Variants in GXYLT2 observed in about 807,000 individuals in gnomAD.
The protein encoded by GXYLT2 is glycosyltransferase 8 domain containing 4.
GXYLT2 carries 53 observed loss-of-function variants against 45.8 expected under a neutral mutation model. The ratio of observed to expected loss-of-function variants is 1.16; its 90% confidence interval spans 0.93 to 1.46. The LOEUF is 1.46. Ranked by LOEUF, GXYLT2 falls within the 40% of genes most tolerant of loss-of-function variation. The pLI, the probability that GXYLT2 is intolerant of heterozygous loss-of-function variation, is 0.00. For synonymous variants in GXYLT2, 219 were observed against 214.2 expected (o/e 1.02, Z -0.19); for missense variants, 551 against 544.4 (o/e 1.01, Z -0.12).
chr3:72,935,984 T>C (rs998103662), intron 3 of GXYLT2, among the ~76,000 whole-genome samples: 1 of 152,194 alleles, frequency 6.6e-6, no homozygotes, highest in Non-Finnish European at 1.5e-5. Context: ...CTGCACAGCA[T>C]CCTGGTTGGA....
intron 2 of GXYLT2, among the ~76,000 whole-genome samples, chr3:72,912,398 C>A (rs58471076): frequency 6.6e-6 from 1 of 152,106 alleles, no homozygotes; most frequent in Admixed American, 6.6e-5. Context: ...ATTCTCCTGC[C>A]TTGGCCTCCC....
At chr3:72,943,792 T>C (rs561686171) in intron 3 of GXYLT2, among the ~76,000 whole-genome samples, 1 of 152,272 alleles carries the variant, frequency 6.6e-6, no homozygotes, top group East Asian at 1.9e-4. Context: ...TGCTAAAATG[T>C]TTGCATCTTC....
At chr3:72,970,824 T>C (rs1398625465) in intron 6 of GXYLT2, among the ~76,000 whole-genome samples, 2 of 152,176 alleles carry the variant, frequency 1.3e-5, no homozygotes, top group African/African-American at 4.8e-5. Context: ...ATCATGCCAT[T>C]GCACTCCAGC....
At chr3:72,946,249 C>T (rs1241574764) in intron 3 of GXYLT2, among the ~76,000 whole-genome samples, 2 of 136,632 alleles carry the variant, frequency 1.5e-5, no homozygotes, top group African/African-American at 2.8e-5. Context: ...TGCACTCCAG[C>T]CTGGGTGACA....
chr3:72,903,527 G>A (rs73838411), intron 1 of GXYLT2, among the ~76,000 whole-genome samples: 13,664 of 152,148 alleles, frequency 0.09, 1,362 homozygotes, highest in African/African-American at 0.25. Flanking sequence ...GTGTTAATAT[G>A]CAGACTCCAG....
chr3:72,916,830 GT>G (rs1317976746), intron 2 of GXYLT2, among the ~76,000 whole-genome samples: 1 of 151,732 alleles, frequency 6.6e-6, no homozygotes, highest in Non-Finnish European at 1.5e-5. Context: ...CCGCAGTTGA[GT>G]TTTAACAGCT....
chr3:72,975,114 T>G lies in GXYLT2; in HGVS notation c.1287T>G (p.Tyr429Ter). 1 of 1,613,862 alleles carries G rather than the reference T, an allele frequency of 6.2e-7. No homozygotes were observed. ...KQIEKTMKRA[Y>*]EKHVIIHVGP... The stretch of plus-strand genomic sequence containing the variant: ...TTGAGAAAACAATGAAAAGGGCTTA[T>G]GAGAAACACGTCATCATCCATGTTG... The change falls in exon 7 of 7, where the codon TAT (tyrosine) becomes TAG (stop). Residue 429 changes from tyrosine (Y) to a stop codon, truncating the protein, a stop_gained. Coordinates refer to ENST00000389617, the MANE Select transcript of GXYLT2 (RefSeq NM_001080393.2). LOFTEE classifies it high-confidence loss of function.
chr3:72,924,630 G>C (rs2134426), intron 3 of GXYLT2, among the ~76,000 whole-genome samples: 131,332 of 152,156 alleles, frequency 0.86, 57,064 homozygotes, highest in African/African-American at 0.96. Context: ...GTGAAGCCAG[G>C]TCACTAACTT....
At chr3:72,946,106 G>C (rs985504671) in intron 3 of GXYLT2, among the ~76,000 whole-genome samples, 1 of 151,630 alleles carries the variant, frequency 6.6e-6, no homozygotes, top group African/African-American at 2.4e-5. Context: ...GCGAGACCTT[G>C]TCTCTCCAAA....
chr3:72,906,074 A>T (rs1559728671), intron 1 of GXYLT2, among the ~76,000 whole-genome samples: 1 of 152,180 alleles, frequency 6.6e-6, no homozygotes, highest in Admixed American at 6.5e-5. Context: ...AGTGTATTTC[A>T]GCTAGTGTCT....
chr3:72,955,190 G>A lies in GXYLT2; in HGVS notation c.693G>A (p.Leu231=). ...ATGACATCTGGAAGCTTCTGAGGCTGTTTAATTCCACCCAGCTTGCAGCCA... is the reference window on the plus strand; with the variant it reads ...ATGACATCTGGAAGCTTCTGAGGCTATTTAATTCCACCCAGCTTGCAGCCA... ...PVDDIWKLLR[L]FNSTQLAAMA... The change falls in exon 4 of 7, where the codon CTG becomes CTA. Residue 231 remains leucine (L), a synonymous_variant. Transcript: ENST00000389617. 1.2e-6 allele frequency: 2 copies of A among 1,614,010 alleles called. No individual in the cohort carries two copies. The highest frequency in any genetic ancestry group is 1.7e-6 in the Non-Finnish European group (2 of 1,179,890).
chr3:72,950,684 A>G (rs1032957241), intron 3 of GXYLT2, among the ~76,000 whole-genome samples: 3 of 152,200 alleles, frequency 2.0e-5, no homozygotes, highest in African/African-American at 7.2e-5. Context: ...TAGTGGTGGA[A>G]ATGGAATTTG....
intron 5 of GXYLT2, 34 bp from the exon 6 acceptor site, chr3:72,967,513 G>A (rs751484301): frequency 2.1e-5 from 33 of 1,567,238 alleles, no homozygotes; most frequent in Middle Eastern, 1.8e-4. Flanking sequence ...GGCACTAACC[G>A]TGGACATATA....
chr3:72,973,813 A>G (rs1465880099), intron 6 of GXYLT2, among the ~76,000 whole-genome samples: 2 of 152,314 alleles, frequency 1.3e-5, no homozygotes, highest in East Asian at 3.9e-4. Flanking sequence ...CAGATTCAGG[A>G]CTGGCTTCAA....
intron 2 of GXYLT2, among the ~76,000 whole-genome samples, chr3:72,921,113 G>T (rs546536648): frequency 1.3e-4 from 20 of 151,748 alleles, no homozygotes; most frequent in African/African-American, 4.8e-4. Context: ...GAGCCACCAC[G>T]CCCGGCCTCA....
At chr3:72,939,794 A>G (rs1291440073) in intron 3 of GXYLT2, among the ~76,000 whole-genome samples, 1 of 151,018 alleles carries the variant, frequency 6.6e-6, no homozygotes, top group East Asian at 2.0e-4. Context: ...TGATTCCCTC[A>G]CCTCAGCCTC....
intron 1 of GXYLT2, among the ~76,000 whole-genome samples, chr3:72,900,709 C>T (rs1709386927): frequency 1.3e-5 from 2 of 152,046 alleles, no homozygotes; most frequent in South Asian, 4.2e-4. Flanking sequence ...TGAGTTACCA[C>T]ACCCAGCCCA....
chr3:72,893,422 G>A (rs534615575), intron 1 of GXYLT2, among the ~76,000 whole-genome samples: 1 of 152,168 alleles, frequency 6.6e-6, no homozygotes, highest in African/African-American at 2.4e-5. Flanking sequence ...CCTGAGAGGG[G>A]TCCTGCTAGC....
chr3:72,971,826 G>A (rs1710990291), intron 6 of GXYLT2, among the ~76,000 whole-genome samples: 2 of 142,388 alleles, frequency 1.4e-5, no homozygotes, highest in Admixed American at 7.2e-5. Context: ...GCGCATGCCT[G>A]TAATCCCAGC....
Sources: gnomAD v4.1 joint callset for allele counts (sites outside exome capture counted in the v4.1 genomes callset) on GRCh38, gnomAD v4.1.1 for gene constraint, MANE v1.5 for transcripts, NCBI Gene and HGNC (gene_info 2026-07-23, HGNC 2026-07-21) for gene names.